CC2D2B: variants seen among roughly 807,000 people sequenced by gnomAD.
CC2D2B encodes the protein protein CC2D2B.
Under a neutral mutation model 161.2 loss-of-function variants are expected in CC2D2B, and 128 were observed. The observed-to-expected ratio is 0.79, with a 90% CI of 0.69 to 0.92. The LOEUF is 0.92. Ranked by LOEUF, CC2D2B falls within the 40% of genes least tolerant of loss-of-function variation. The pLI is 0.00. For missense variants in CC2D2B, 1,173 were observed against 1,375.1 expected, an observed-to-expected ratio of 0.85 and a Z score of 2.32; for synonymous variants, 391 against 449.8, an observed-to-expected ratio of 0.87 and a Z score of 1.65.
intron 11 of CC2D2B, among the ~76,000 whole-genome samples, chr10:95,961,107 A>G (rs1281866573): frequency 6.6e-6 from 1 of 152,214 alleles, no homozygotes; most frequent in Admixed American, 6.5e-5. Context: ...TGAAGTGCCA[A>G]CCAGAAATTA....
chr10:95,965,399 T>C (rs1474018959), intron 12 of CC2D2B, among the ~76,000 whole-genome samples: 1 of 152,092 alleles, frequency 6.6e-6, no homozygotes, highest in Non-Finnish European at 1.5e-5. Context: ...GTAGTAGTAG[T>C]AGCAGCAGCA....
At chr10:95,979,315 A>G (rs544419039) in intron 17 of CC2D2B, among the ~76,000 whole-genome samples, 1 of 151,980 alleles carries the variant, frequency 6.6e-6, no homozygotes, top group South Asian at 2.1e-4. Flanking sequence ...GGGTTGTTAT[A>G]CTGGGTTGCT....
chr10:96,021,518 A>T (rs2079459068), intron 32 of CC2D2B: 1 of 152,266 alleles, frequency 6.6e-6, no homozygotes, highest in South Asian at 2.1e-4. Context: ...TCCCCAGTTG[A>T]TGCCAATGTG....
At chr10:95,988,221 A>T (rs2077807037) in intron 19 of CC2D2B, 29 bp from the exon 20 acceptor site, 15 of 940,328 alleles carry the variant, frequency 1.6e-5, no homozygotes, top group Non-Finnish European at 1.4e-5. Flanking sequence ...GTTACATTCA[A>T]GAAGTGAAAC....
chr10:96,021,976 C>T (rs770367760), intron 32 of CC2D2B, among the ~76,000 whole-genome samples: 3 of 152,142 alleles, frequency 2.0e-5, no homozygotes, highest in Non-Finnish European at 2.9e-5. Context: ...AAAAAGAATG[C>T]ATGGTGGCTG....
At position 95,988,271 on chromosome 10, in the gene CC2D2B, A is replaced by G; in HGVS notation, c.2308A>G (p.Lys770Glu). 1 of 1,223,148 alleles carries G rather than the reference A, an allele frequency of 8.2e-7. No homozygotes were observed. Among genetic ancestry groups the G allele is most frequent in the Non-Finnish European group, 1.0e-6 (1 of 978,118 alleles). The allele number at this position is 1,223,148 out of a possible 1,614,324, so 75.8% of individuals were successfully genotyped here. A position where few individuals can be genotyped will look rare whatever the true frequency, so the allele number is the denominator to read the frequency against. Residue 770 changes from lysine to glutamate, a missense_variant, in exon 20 of 35, where the codon AAG (lysine) becomes GAG (glutamate). Around this residue, in one of 3 missense-constraint regions of CC2D2B, gnomAD observed 277 missense variants for 420.6 expected, o/e 0.66. Transcript: ENST00000646931. ...VFQEYESQKEKEVSVSDVNSI... is the reference protein window; with the variant it reads ...VFQEYESQKEEEVSVSDVNSI... Reference sequence around the variant, plus strand: ...TTAGGAGTATGAAAGTCAGAAAGAGAAGGAGGTATCCGTTTCAGATGTAAA... The same window carrying G: ...TTAGGAGTATGAAAGTCAGAAAGAGGAGGAGGTATCCGTTTCAGATGTAAA...
rs992692166 is a variant in CC2D2B at position 95,995,320 on chromosome 10, T to G, written c.2694T>G (p.His898Gln). ...AATCATCTATATCTTGCCTCAGACA[T>G]AGAGAAACAATCAAATCAGTAGCCT... ...CLKSSISCLR[H>Q]RETIKSVASD... The change falls in exon 23 of 35, where the codon CAT becomes CAG. Residue 898 changes from histidine to glutamine, a missense_variant. Transcript: ENST00000646931. The G allele has an allele frequency of 3.9e-6, 6 of 1,532,542 alleles. No individual in the cohort carries two copies. The highest frequency in any genetic ancestry group is 5.2e-6 in the Non-Finnish European group (6 of 1,145,040). The allele number at this position is 1,532,542 out of a possible 1,614,324, so 94.9% of individuals were successfully genotyped here.
At chr10:95,926,310 A>C (rs1477201509) in intron 5 of CC2D2B, among the ~76,000 whole-genome samples, 1 of 152,260 alleles carries the variant, frequency 6.6e-6, no homozygotes, top group East Asian at 1.9e-4. Context: ...ACACAGGTAT[A>C]TTTGCTCAGG....
At chr10:95,996,005 A>G (rs2078216628) in intron 23 of CC2D2B, 138 bp from the exon 24 acceptor site, 11 of 402,256 alleles carry the variant, frequency 2.7e-5, no homozygotes, top group Middle Eastern at 6.5e-4. Context: ...ATGTTTATTC[A>G]ATAAATAAAT....
intron 24 of CC2D2B, among the ~76,000 whole-genome samples, chr10:96,003,771 A>G (rs967764353): frequency 4.6e-5 from 7 of 152,186 alleles, no homozygotes; most frequent in African/African-American, 1.7e-4. Context: ...TTCTGTATTT[A>G]AAGTCATATC....
rs1270857936 is a variant in CC2D2B, at chr10:96,032,864, A to G, written c.*856A>G. ...TTTTTTCCTTAGTGAGCAGCCCCCA[A>G]CTCTGCCTCTGGCACTTTTTGCTGC... On this transcript the variant is annotated 3_prime_UTR_variant, in exon 35 of 35. Transcript: ENST00000646931. 3 of 445,702 alleles carry G rather than the reference A, an allele frequency of 6.7e-6. No homozygotes were observed. The highest frequency in any genetic ancestry group is 6.2e-5 in the African/African-American group (3 of 48,568). The allele number at this position is 445,702 out of a possible 1,614,324, so 27.6% of individuals were successfully genotyped here.
intron 29 of CC2D2B, among the ~76,000 whole-genome samples, chr10:96,015,498 C>T (rs10786258): frequency 0.66 from 99,553 of 150,936 alleles, 33,081 homozygotes; most frequent in East Asian, 0.86. Flanking sequence ...TCCAGAAATC[C>T]AGAGTTTTCT....
intron 32 of CC2D2B, among the ~76,000 whole-genome samples, chr10:96,023,986 G>A (rs1430942029): frequency 6.6e-6 from 1 of 152,176 alleles, no homozygotes; most frequent in African/African-American, 2.4e-5. Context: ...TCACGAAGGG[G>A]GAACATCTGT....
intron 24 of CC2D2B, among the ~76,000 whole-genome samples, chr10:95,999,335 T>A (rs2078367673): frequency 6.6e-6 from 1 of 152,222 alleles, no homozygotes; most frequent in African/African-American, 2.4e-5. Flanking sequence ...AATATTCTAT[T>A]ATATGGATGT....
intron 16 of CC2D2B, among the ~76,000 whole-genome samples, chr10:95,972,822 T>C (rs1435942329): frequency 1.3e-5 from 2 of 152,076 alleles, no homozygotes; most frequent in African/African-American, 4.8e-5. Context: ...CCTCGACCTC[T>C]CCTTTAGTGA....
intron 34 of CC2D2B, among the ~76,000 whole-genome samples, chr10:96,029,290 A>ATATATATATATATATATATATATG (rs2079955896): frequency 1.1e-5 from 1 of 92,058 alleles, no homozygotes; most frequent in African/African-American, 3.9e-5. Context: ...ATATATGTAT[A>ATATATATATATATATATATATATG]TATATATATA....
At chr10:96,017,075 T>A (rs1270641435) in intron 30 of CC2D2B, among the ~76,000 whole-genome samples, 1 of 152,238 alleles carries the variant, frequency 6.6e-6, no homozygotes, top group Non-Finnish European at 1.5e-5. Context: ...CTTCTCCTCA[T>A]GCTCCATTGC....
chr10:95,983,922 T>TTA, intron 19 of CC2D2B, 113 bp downstream of exon 19: 1 of 470,058 alleles, frequency 2.1e-6, no homozygotes, highest in Non-Finnish European at 3.4e-6. Context: ...TGTAGACAGA[T>TTA]TTCCTCCCTT....
chr10:95,914,664 C>T lies in CC2D2B; in HGVS notation c.36+3305C>T, dbSNP rs560820571. ...TTTCCCCTGCTTGCACTCACTCTGT[C>T]CTGCTGCCCTGTAAAGAAGGTGCCT... is the stretch of plus-strand genomic sequence containing the variant. On this transcript the variant is annotated intron_variant, in intron 2 of 34. Transcript: ENST00000646931. Among the ~76,000 whole-genome samples, 3 of 152,298 alleles carry T rather than the reference C, an allele frequency of 2.0e-5. No individual in the cohort carries two copies. In the East Asian group the frequency reaches 5.8e-4, roughly 29 times the overall value.
Sources: allele counts gnomAD v4.1 joint callset (sites outside exome capture counted in the v4.1 genomes callset), GRCh38; gene constraint gnomAD v4.1.1; regional missense constraint gnomAD v4.1.1; transcripts MANE v1.5; gene names NCBI Gene and HGNC (gene_info 2026-07-23, HGNC 2026-07-21).